Variants in MYO5A observed in about 807,000 individuals in gnomAD.
The protein encoded by MYO5A is unconventional myosin-Va.
MYO5A carries 98 observed loss-of-function variants against 249.7 expected under a neutral mutation model. The ratio of observed to expected loss-of-function variants is 0.39; its 90% CI spans 0.33 to 0.46. The LOEUF is 0.46. MYO5A is among the 20% of genes least tolerant of loss of function. The pLI is 0.98. For missense variants in MYO5A, 1,696 were observed against 2,308.8 expected, an observed-to-expected ratio of 0.73 and a Z score of 5.44; for synonymous variants, 778 against 810.6, an observed-to-expected ratio of 0.96 and a Z score of 0.68.
At chr15:52,367,193 ACCAT>A (rs2040854949) in intron 22 of MYO5A, 69 bp from the exon 23 acceptor site, 2 of 1,347,436 alleles carry the variant, frequency 1.5e-6, no homozygotes, top group Non-Finnish European at 2.1e-6. Context: ...AAGGATAAAG[ACCAT>A]AAGCAGTCAT....
intron 29 of MYO5A, 42 bp downstream of exon 29, chr15:52,348,776 T>C: frequency 7.0e-7 from 1 of 1,425,962 alleles, no homozygotes; most frequent in Non-Finnish European, 9.5e-7. Flanking sequence ...AAGTTAGGAT[T>C]AAATAGAAGT....
chr15:52,351,112 G>T, intron 28 of MYO5A, 142 bp downstream of exon 28: 1 of 776,420 alleles, frequency 1.3e-6, no homozygotes, highest in Non-Finnish European at 2.2e-6. Context: ...ACAACACTGG[G>T]ATTTTTTTAA....
chr15:52,475,572 A>T (rs888755127), intron 1 of MYO5A, among the ~76,000 whole-genome samples: 1 of 152,128 alleles, frequency 6.6e-6, no homozygotes, highest in Non-Finnish European at 1.5e-5. Context: ...TGTCCCAGAG[A>T]TTCTGGTATG....
At chr15:52,359,747 A>T (rs2040423951) in intron 25 of MYO5A, among the ~76,000 whole-genome samples, 1 of 152,242 alleles carries the variant, frequency 6.6e-6, no homozygotes, top group Non-Finnish European at 1.5e-5. Flanking sequence ...TTAAAATTAA[A>T]ATTTGTATTG....
At chr15:52,355,616 T>C (rs1041198084) in intron 25 of MYO5A, among the ~76,000 whole-genome samples, 2 of 152,254 alleles carry the variant, frequency 1.3e-5, no homozygotes, top group African/African-American at 4.8e-5. Flanking sequence ...TATTACAATA[T>C]TCTATATTTG....
intron 14 of MYO5A, among the ~76,000 whole-genome samples, chr15:52,387,155 C>T (rs917522425): frequency 2.6e-5 from 4 of 152,164 alleles, no homozygotes; most frequent in Admixed American, 2.0e-4. Context: ...ATGTTCCCCT[C>T]CCCATTCTTT....
intron 1 of MYO5A, among the ~76,000 whole-genome samples, chr15:52,486,610 T>G (rs990509722): frequency 2.0e-5 from 3 of 152,240 alleles, no homozygotes; most frequent in Non-Finnish European, 4.4e-5. Context: ...GGGGATTTTT[T>G]GTTTTAATAT....
chr15:52,507,039 T>C (rs917651423), intron 1 of MYO5A, among the ~76,000 whole-genome samples: 2 of 152,250 alleles, frequency 1.3e-5, no homozygotes, highest in Non-Finnish European at 1.5e-5. Flanking sequence ...TACTTTTTTT[T>C]CCCCCTGTAG....
intron 12 of MYO5A, 34 bp downstream of exon 12, chr15:52,391,896 T>G: frequency 6.2e-7 from 1 of 1,604,106 alleles, no homozygotes; most frequent in South Asian, 1.1e-5. Flanking sequence ...ACATCTATTT[T>G]GATAAACCAA....
chr15:52,378,038 C>A (rs995227422), intron 18 of MYO5A, among the ~76,000 whole-genome samples: 1 of 152,108 alleles, frequency 6.6e-6, no homozygotes, highest in African/African-American at 2.4e-5. Flanking sequence ...GGAAACCTAG[C>A]TAGAAAAGTG....
In MYO5A at chr15:52,428,698, T is replaced by C. The variant is rs145165474; in HGVS notation, c.139-129A>G. 185 of 954,028 alleles carry C rather than the reference T, an allele frequency of 1.9e-4. No homozygotes were observed. The East Asian group carries it at 4.3e-3, about 22-fold the overall frequency. The allele number at this position is 954,028 out of a possible 1,614,324, so 59.1% of individuals were successfully genotyped here. ...TTAAATGCATTATTTTCCTAGCACC[T>C]TCCAATATCACAGAAACTGGTGGAG... is the stretch of plus-strand genomic sequence containing the variant. On this transcript the variant is annotated intron_variant, in intron 2 of 41. Transcript: ENST00000399233.
At chr15:52,466,381 C>T (rs2076353690) in intron 1 of MYO5A, among the ~76,000 whole-genome samples, 1 of 152,084 alleles carries the variant, frequency 6.6e-6, no homozygotes, top group African/African-American at 2.4e-5. Flanking sequence ...CACCCATGGA[C>T]CAGAGGAGGA....
At chr15:52,448,647 G>A (rs535050792) in intron 1 of MYO5A, among the ~76,000 whole-genome samples, 9 of 152,270 alleles carry the variant, frequency 5.9e-5, no homozygotes, top group East Asian at 1.9e-4. Context: ...CCCCAGTGTC[G>A]AAGATGGGTC....
intron 19 of MYO5A, 54 bp from the exon 20 acceptor site, chr15:52,375,514 T>C (rs1470954200): frequency 6.3e-7 from 1 of 1,584,818 alleles, no homozygotes; most frequent in Non-Finnish European, 8.6e-7. Flanking sequence ...AATGCAGGAA[T>C]ACATATTAGA....
rs537751376 is a variant in MYO5A at position 52,418,201 on chromosome 15, G to A, written c.456-1900C>T. 2.6e-5 allele frequency among the ~76,000 whole-genome samples: 4 copies of A among 152,316 alleles called. No homozygotes were observed. In the East Asian group the frequency reaches 5.8e-4, roughly 22 times the overall value. ...ATGACAGATTTATGATTTCTGGTTTGGCCAGTCCTTTCAAGGGCCTCCACA... is the reference window on the plus strand; with the variant it reads ...ATGACAGATTTATGATTTCTGGTTTAGCCAGTCCTTTCAAGGGCCTCCACA... On this transcript the variant is annotated intron_variant, in intron 4 of 41. Coordinates refer to ENST00000399233, the MANE Select transcript of MYO5A (RefSeq NM_001382347.1).
At chr15:52,493,328 C>T (rs1035728509) in intron 1 of MYO5A, among the ~76,000 whole-genome samples, 6 of 152,170 alleles carry the variant, frequency 3.9e-5, no homozygotes, top group African/African-American at 1.2e-4. Flanking sequence ...TTTCCCATAG[C>T]ACATTAACAA....
intron 10 of MYO5A, among the ~76,000 whole-genome samples, chr15:52,396,883 C>G (rs1299832933): frequency 6.6e-6 from 1 of 151,972 alleles, no homozygotes; most frequent in Non-Finnish European, 1.5e-5. Flanking sequence ...GACAGGTACC[C>G]AAATAAGGCA....
intron 20 of MYO5A, among the ~76,000 whole-genome samples, chr15:52,372,833 C>T (rs1031423838): frequency 3.3e-5 from 5 of 152,176 alleles, no homozygotes; most frequent in Non-Finnish European, 7.3e-5. Flanking sequence ...CCCCACCACC[C>T]TGACTGCTGA....
Position 52,381,782 on chromosome 15 carries a change from T to TCTCACA in MYO5A, c.2012+1308_2012+1309insTGTGAG, listed in dbSNP as rs11280608. The stretch of plus-strand genomic sequence containing the variant: ...TTTTGTGTCTCTCTCTCTCTCTCTC[T>TCTCACA]CACACACACACACACACACACACAC... On this transcript the variant is annotated intron_variant, in intron 16 of 41. Coordinates refer to ENST00000399233, the MANE Select transcript of MYO5A (RefSeq NM_001382347.1). Among the ~76,000 whole-genome samples the TCTCACA allele has an allele frequency of 8.8e-3, 1,211 of 137,764 alleles. 8 individuals are homozygous for TCTCACA. The highest frequency in any genetic ancestry group is 0.013 in the Non-Finnish European group (821 of 64,184). The allele number at this position is 137,764 out of a possible 152,430, so 90.4% of individuals were successfully genotyped here. A position where few individuals can be genotyped will look rare whatever the true frequency, so the allele number is the denominator to read the frequency against.
Sources: allele counts gnomAD v4.1 joint callset (sites outside exome capture counted in the v4.1 genomes callset), GRCh38; gene constraint gnomAD v4.1.1; transcripts MANE v1.5; gene names NCBI Gene and HGNC (gene_info 2026-07-23, HGNC 2026-07-21).